ST6GALNAC3: variants seen among roughly 807,000 people sequenced by gnomAD.
ST6GALNAC3 encodes ST6 N-acetylgalactosaminide alpha-2,6-sialyltransferase 3.
A neutral mutation model predicts 32.7 loss-of-function variants in ST6GALNAC3; 25 were observed. That is an observed-to-expected ratio of 0.76 (90% CI 0.56 to 1.07). The LOEUF (loss-of-function observed/expected upper bound fraction) is 1.07. Ranked by LOEUF, ST6GALNAC3 falls within the 50% of genes least tolerant of loss-of-function variation. The probability of loss-of-function intolerance (pLI) is 0.00; values close to 1 mark genes in which losing one functional copy is unlikely to be tolerated. For missense variants in ST6GALNAC3, 355 were observed against 382.4 expected (o/e 0.93, Z 0.60); for synonymous variants, 129 against 133.1 (o/e 0.97, Z 0.21).
chr1:76,184,572 G>T (rs560028167), intron 1 of ST6GALNAC3, among the ~76,000 whole-genome samples: 23 of 130,644 alleles, frequency 1.8e-4, no homozygotes, highest in Non-Finnish European at 2.9e-4. Context: ...CGAAACATAT[G>T]GGCAATCCAG....
chr1:76,532,126 C>T (rs1035838243), intron 3 of ST6GALNAC3, among the ~76,000 whole-genome samples: 4 of 152,154 alleles, frequency 2.6e-5, no homozygotes, highest in African/African-American at 9.7e-5. Context: ...TTTTCCTCTC[C>T]TGGATTCTTG....
chr1:76,550,956 C>T lies in ST6GALNAC3; in HGVS notation c.624-76496C>T, dbSNP rs111631198. ...TGTAGTTTTAGTAAAGACAGGGTTT[C>T]ACCACGTTTGCCAGTCTGGTCTTGA... On this transcript the variant is annotated intron_variant, in intron 3 of 4. Coordinates refer to ENST00000328299, the MANE Select transcript of ST6GALNAC3 (RefSeq NM_152996.4). 3.4e-3 allele frequency among the ~76,000 whole-genome samples: 523 copies of T among 152,222 alleles called. 1 individual carries two copies. Among genetic ancestry groups the T allele is most frequent in the African/African-American group, 0.012 (489 of 41,558 alleles).
chr1:76,525,791 G>GTGTGTATA (rs1438917629), intron 3 of ST6GALNAC3, among the ~76,000 whole-genome samples: 39 of 75,578 alleles, frequency 5.2e-4, no homozygotes, highest in East Asian at 2.8e-3. Flanking sequence ...GTGTGTGTGT[G>GTGTGTATA]TATATATATA....
rs569141144 is a variant in ST6GALNAC3, at chr1:76,100,026, A to G, written c.18+25142A>G. 2.6e-5 allele frequency among the ~76,000 whole-genome samples: 4 copies of G among 152,246 alleles called. No individual in the cohort carries two copies. In the South Asian group the frequency reaches 8.3e-4, roughly 32 times the overall value. Reference sequence around the variant, plus strand: ...TTGTTAAGTATTTATGATACAATGGAAATTAAAAAATTAAATTTAATTTTG... The same window carrying G: ...TTGTTAAGTATTTATGATACAATGGGAATTAAAAAATTAAATTTAATTTTG... On this transcript the variant is annotated intron_variant, in intron 1 of 4. Coordinates refer to ENST00000328299, the MANE Select transcript of ST6GALNAC3 (RefSeq NM_152996.4).
intron 1 of ST6GALNAC3, among the ~76,000 whole-genome samples, chr1:76,092,280 G>A (rs289674): frequency 0.2 from 30,126 of 152,148 alleles, 3,096 homozygotes; most frequent in African/African-American, 0.21. Flanking sequence ...AGTAGTACAG[G>A]CATCAGTCTT....
intron 1 of ST6GALNAC3, among the ~76,000 whole-genome samples, chr1:76,301,589 G>A (rs575761477): frequency 2.0e-5 from 3 of 151,942 alleles, no homozygotes; most frequent in African/African-American, 7.3e-5. Context: ...AAATTCAAGA[G>A]TTCTTGGCAC....
intron 1 of ST6GALNAC3, among the ~76,000 whole-genome samples, chr1:76,263,241 T>A (rs1308465780): frequency 6.6e-6 from 1 of 152,188 alleles, no homozygotes; most frequent in Non-Finnish European, 1.5e-5. Flanking sequence ...CATATTAGCA[T>A]GGGATGGTCC....
At chr1:76,119,425 C>G (rs1012573789) in intron 1 of ST6GALNAC3, among the ~76,000 whole-genome samples, 1 of 152,120 alleles carries the variant, frequency 6.6e-6, no homozygotes, top group African/African-American at 2.4e-5. Flanking sequence ...CTGCCATGTT[C>G]CATTGAGGGT....
chr1:76,113,270 G>A (rs1648207992), intron 1 of ST6GALNAC3, among the ~76,000 whole-genome samples: 1 of 150,932 alleles, frequency 6.6e-6, no homozygotes, highest in Non-Finnish European at 1.5e-5. Context: ...GGAGGTTGCA[G>A]TGAGCCGAGA....
rs1345084176 is a variant in ST6GALNAC3 at position 76,432,373 on chromosome 1, C to CA, written c.623+19964dup. 2.1e-4 allele frequency among the ~76,000 whole-genome samples: 29 copies of CA among 137,394 alleles called. No individual in the cohort carries two copies. The South Asian group carries it at 5.3e-3, about 25-fold the overall frequency. 90.1% of individuals were successfully genotyped at this position (137,394 alleles called of 152,430 possible). A position where few individuals can be genotyped will look rare whatever the true frequency, so the allele number is the denominator to read the frequency against. ...CATGTAAATTTTCAACTTGTTTGGG[C>CA]AAAAAAAATGTTTTATGTTATACGC... On this transcript the variant is annotated intron_variant, in intron 3 of 4. Coordinates refer to ENST00000328299, the MANE Select transcript of ST6GALNAC3 (RefSeq NM_152996.4).
At chr1:76,080,287 G>A (rs1646875241) in intron 1 of ST6GALNAC3, among the ~76,000 whole-genome samples, 1 of 145,100 alleles carries the variant, frequency 6.9e-6, no homozygotes, top group African/African-American at 2.5e-5. Flanking sequence ...TGTATCAGTG[G>A]TGTTATTAAT....
At chr1:76,201,701 T>C (rs1426115727) in intron 1 of ST6GALNAC3, among the ~76,000 whole-genome samples, 3 of 152,128 alleles carry the variant, frequency 2.0e-5, no homozygotes, top group Non-Finnish European at 4.4e-5. Flanking sequence ...GTAGAGCTAC[T>C]ATATTAAAAT....
At position 76,388,300 on chromosome 1, in the gene ST6GALNAC3, C is replaced by T. The variant is rs183831050; in HGVS notation, c.214-23708C>T. Among the ~76,000 whole-genome samples, 94 of 152,200 alleles carry T rather than the reference C, an allele frequency of 6.2e-4. 1 individual carries two copies. The highest frequency in any genetic ancestry group is 1.9e-3 in the African/African-American group (80 of 41,538). ...ATGTACTCAGAATAAAAGTGAAACC[C>T]TACTACTTGTTTTGCCCATTAGATA... On this transcript the variant is annotated intron_variant, in intron 2 of 4. Transcript: ENST00000328299.
chr1:76,271,270 T>C (rs1658829930), intron 1 of ST6GALNAC3, among the ~76,000 whole-genome samples: 1 of 152,220 alleles, frequency 6.6e-6, no homozygotes, highest in African/African-American at 2.4e-5. Context: ...AGTGGTTTGC[T>C]GTAATGGAAC....
chr1:76,325,795 A>T (rs1050774396), intron 2 of ST6GALNAC3, among the ~76,000 whole-genome samples: 4 of 148,646 alleles, frequency 2.7e-5, no homozygotes, highest in Non-Finnish European at 5.9e-5. Context: ...ACACACAAAT[A>T]TATATATATA....
rs1458161972 is a variant in ST6GALNAC3 at position 76,630,391 on chromosome 1, T to G, written c.*1585T>G. 2 of 985,018 alleles carry G rather than the reference T, an allele frequency of 2.0e-6. No homozygotes were observed. The highest frequency in any genetic ancestry group is 3.5e-5 in the African/African-American group (2 of 57,166). 61.0% of individuals were successfully genotyped at this position (985,018 alleles called of 1,614,324 possible). On this transcript the variant is annotated 3_prime_UTR_variant, in exon 5 of 5. Coordinates refer to ENST00000328299, the MANE Select transcript of ST6GALNAC3 (RefSeq NM_152996.4). ...AAAAAGCAGGGACAACAGGAGGAAA[T>G]GAAGGCAGAGAAATATAGTTTCCTT...
intron 3 of ST6GALNAC3, among the ~76,000 whole-genome samples, chr1:76,467,150 G>C (rs1658689777): frequency 6.6e-6 from 1 of 151,994 alleles, no homozygotes; most frequent in South Asian, 2.1e-4. Flanking sequence ...CATTCTTCCA[G>C]AATAATGAAA....
rs182350463 is a variant in ST6GALNAC3, at chr1:76,552,225, G to T, written c.624-75227G>T. ...CTATGTTAGTCTCAGGGCCCACAAAGATCAAGGGACTCTCTCACGGCTAGG... is the reference window on the plus strand; with the variant it reads ...CTATGTTAGTCTCAGGGCCCACAAATATCAAGGGACTCTCTCACGGCTAGG... On this transcript the variant is annotated intron_variant, in intron 3 of 4. Transcript: ENST00000328299. Among the ~76,000 whole-genome samples, 401 of 152,292 alleles carry T rather than the reference G, an allele frequency of 2.6e-3. 2 individuals carry two copies. The highest frequency in any genetic ancestry group is 0.01 in the Admixed American group (160 of 15,290).
At chr1:76,389,988 G>T (rs1652406838) in intron 2 of ST6GALNAC3, among the ~76,000 whole-genome samples, 7 of 151,956 alleles carry the variant, frequency 4.6e-5, no homozygotes, top group Admixed American at 4.6e-4. Flanking sequence ...TTCTTCCACT[G>T]ATCTAGTACC....
Sources: gnomAD v4.1 joint callset for allele counts (sites outside exome capture counted in the v4.1 genomes callset) on GRCh38, gnomAD v4.1.1 for gene constraint, MANE v1.5 for transcripts, NCBI Gene and HGNC (gene_info 2026-07-23, HGNC 2026-07-21) for gene names.